NRXN3: variants seen among roughly 807,000 people sequenced by gnomAD.
NRXN3 encodes the protein neurexin 3.
Under a neutral mutation model 137.6 loss-of-function variants are expected in NRXN3, and 32 were observed. The ratio of observed to expected loss-of-function variants is 0.23; its 90% CI spans 0.18 to 0.31. NRXN3 has a LOEUF of 0.31. Among genes scored for constraint, NRXN3 ranks in the 10% least tolerant of loss-of-function variants. The pLI, the probability that NRXN3 is intolerant of heterozygous loss-of-function variation, is 1.00. For synonymous variants in NRXN3, 798 were observed against 784.5 expected (o/e 1.02, Z -0.29); for missense variants, 1,574 against 2,062.5 (o/e 0.76, Z 4.59).
chr14:78,887,526 G>A (rs1037315063), intron 10 of NRXN3, among the ~76,000 whole-genome samples: 1 of 151,998 alleles, frequency 6.6e-6, no homozygotes, highest in Non-Finnish European at 1.5e-5. Flanking sequence ...GTGCATGGAT[G>A]CCTGATTTTT....
At chr14:78,441,727 G>A (rs926124455) in intron 4 of NRXN3, among the ~76,000 whole-genome samples, 1 of 152,170 alleles carries the variant, frequency 6.6e-6, no homozygotes, top group African/African-American at 2.4e-5. Context: ...ATGTAATGAA[G>A]TTAAGGATCT....
At chr14:78,689,433 C>T (rs1366481110) in intron 6 of NRXN3, among the ~76,000 whole-genome samples, 1 of 152,076 alleles carries the variant, frequency 6.6e-6, no homozygotes, top group African/African-American at 2.4e-5. Flanking sequence ...TATTTGAGTA[C>T]TTATTAAATG....
At chr14:78,216,820 G>A (rs2063334577) in intron 1 of NRXN3, among the ~76,000 whole-genome samples, 3 of 152,076 alleles carry the variant, frequency 2.0e-5, no homozygotes, top group Admixed American at 6.6e-5. Context: ...GCCTCTTCTC[G>A]GCTTCTGGTG....
rs78513732 is a variant in NRXN3 at position 79,503,310 on chromosome 14, T to C, written c.3444+35908T>C. ...ATTGATAACACCATTTGGAAACAAATCTTAAAACCTCACTGACACAGCATA... is the reference window on the plus strand; with the variant it reads ...ATTGATAACACCATTTGGAAACAAACCTTAAAACCTCACTGACACAGCATA... On this transcript the variant is annotated intron_variant, in intron 16 of 20. Coordinates refer to ENST00000335750, the MANE Select transcript of NRXN3 (RefSeq NM_001330195.2). Among the ~76,000 whole-genome samples, 1,002 of 152,226 alleles carry C rather than the reference T, an allele frequency of 6.6e-3. 5 individuals are homozygous for C. The highest frequency in any genetic ancestry group is 0.011 in the Non-Finnish European group (743 of 68,026).
intron 15 of NRXN3, among the ~76,000 whole-genome samples, chr14:79,375,150 C>G (rs1193943044): frequency 1.3e-5 from 2 of 151,732 alleles, no homozygotes; most frequent in Non-Finnish European, 2.9e-5. Context: ...CTCAGCGAGT[C>G]AGGAGAAGAG....
intron 15 of NRXN3, among the ~76,000 whole-genome samples, chr14:79,111,408 A>AT: frequency 6.6e-6 from 1 of 152,290 alleles, no homozygotes; most frequent in East Asian, 1.9e-4. Context: ...TAGCTGCACA[A>AT]AGCCCTGAGT....
At chr14:78,749,301 C>T (rs894833877) in intron 8 of NRXN3, among the ~76,000 whole-genome samples, 14 of 152,154 alleles carry the variant, frequency 9.2e-5, no homozygotes, top group Admixed American at 2.0e-4. Context: ...ACCAGCCAAT[C>T]GGGACTCATC....
At chr14:78,413,629 T>A (rs920674479) in intron 4 of NRXN3, among the ~76,000 whole-genome samples, 13 of 152,168 alleles carry the variant, frequency 8.5e-5, no homozygotes, top group Admixed American at 6.5e-4. Context: ...TGGCCTTGGG[T>A]GTAACCTCCC....
At chr14:79,699,847 G>A (rs1415431367) in intron 19 of NRXN3, among the ~76,000 whole-genome samples, 1 of 151,914 alleles carries the variant, frequency 6.6e-6, no homozygotes, top group East Asian at 1.9e-4. Flanking sequence ...ACAAAAATGA[G>A]TTATAAACCT....
At chr14:79,077,046 A>G (rs998982997) in intron 15 of NRXN3, among the ~76,000 whole-genome samples, 12 of 152,174 alleles carry the variant, frequency 7.9e-5, no homozygotes, top group African/African-American at 2.9e-4. Context: ...CCTATGCTTC[A>G]TTTCTCCAGT....
chr14:79,577,431 A>AT (rs1276687757), intron 16 of NRXN3, among the ~76,000 whole-genome samples: 1 of 152,082 alleles, frequency 6.6e-6, no homozygotes, highest in Non-Finnish European at 1.5e-5. Context: ...AATTTGGAAT[A>AT]TTTTTAGTTT....
At chr14:79,552,293 G>A (rs558854969) in intron 16 of NRXN3, among the ~76,000 whole-genome samples, 1 of 152,276 alleles carries the variant, frequency 6.6e-6, no homozygotes, top group South Asian at 2.1e-4. Context: ...TACATGTGGT[G>A]TTTCAGGTAT....
chr14:78,769,905 G>A (rs1353357726), intron 8 of NRXN3, among the ~76,000 whole-genome samples: 1 of 151,952 alleles, frequency 6.6e-6, no homozygotes, highest in African/African-American at 2.4e-5. Flanking sequence ...TGGAGGGACA[G>A]GGATGCCAGG....
chr14:79,462,757 T>C (rs1283494757), intron 15 of NRXN3, among the ~76,000 whole-genome samples: 2 of 151,802 alleles, frequency 1.3e-5, no homozygotes, highest in Non-Finnish European at 2.9e-5. Context: ...TCTAGTCTAT[T>C]GTATTTTTTA....
chr14:78,808,909 G>A (rs947633005), intron 9 of NRXN3, among the ~76,000 whole-genome samples: 1 of 151,962 alleles, frequency 6.6e-6, no homozygotes, highest in African/African-American at 2.4e-5. Flanking sequence ...TTAAGCAGAA[G>A]AAGAGTACTT....
chr14:78,616,980 T>G (rs951378385), intron 4 of NRXN3, among the ~76,000 whole-genome samples: 1 of 152,204 alleles, frequency 6.6e-6, no homozygotes, highest in Non-Finnish European at 1.5e-5. Flanking sequence ...TGGCTTTCAG[T>G]GGGCCCAGTG....
chr14:79,517,238 G>A (rs746178368), intron 16 of NRXN3, among the ~76,000 whole-genome samples: 4 of 152,038 alleles, frequency 2.6e-5, no homozygotes, highest in Admixed American at 2.0e-4. Context: ...GAGTGAGATT[G>A]TACATCTGTT....
intron 15 of NRXN3, among the ~76,000 whole-genome samples, chr14:79,386,900 T>C (rs1197776046): frequency 6.6e-6 from 1 of 152,218 alleles, no homozygotes; most frequent in Non-Finnish European, 1.5e-5. Flanking sequence ...GCTAGCCATA[T>C]GTAGAAAGCT....
intron 16 of NRXN3, among the ~76,000 whole-genome samples, chr14:79,529,633 AC>A (rs2097152363): frequency 6.6e-6 from 1 of 152,272 alleles, no homozygotes; most frequent in South Asian, 2.1e-4. Context: ...TTAAAAATAA[AC>A]TTTGAAACTC....
Sources: gnomAD v4.1 joint callset for allele counts (sites outside exome capture counted in the v4.1 genomes callset) on GRCh38, gnomAD v4.1.1 for gene constraint, MANE v1.5 for transcripts, NCBI Gene and HGNC (gene_info 2026-07-23, HGNC 2026-07-21) for gene names.